Variants in DTX1 observed in about 807,000 individuals in gnomAD.
DTX1 encodes the protein deltex E3 ubiquitin ligase 1, also known as E3 ubiquitin-protein ligase DTX1.
Under a neutral mutation model 57.8 loss-of-function variants are expected in DTX1, and 26 were observed. That is an observed-to-expected ratio of 0.45 (90% CI 0.33 to 0.62). The LOEUF (loss-of-function observed/expected upper bound fraction) is 0.62, where lower values mean the gene tolerates loss of function less well. Among genes scored for constraint, DTX1 ranks in the 20% least tolerant of loss-of-function variants. The probability of loss-of-function intolerance (pLI) is 0.02; values close to 1 mark genes in which losing one functional copy is unlikely to be tolerated. For missense variants in DTX1, 704 were observed against 895.3 expected (o/e 0.79, Z 2.73); for synonymous variants, 398 against 394.1 (o/e 1.01, Z -0.12).
chr12:113,089,233 T>C (rs1000543671), intron 3 of DTX1, among the ~76,000 whole-genome samples: 1 of 151,422 alleles, frequency 6.6e-6, no homozygotes, highest in Non-Finnish European at 1.5e-5. Flanking sequence ...GGGAGAGGGG[T>C]GAACACATAG....
rs1262913778 is a variant in DTX1 at position 113,077,737 on chromosome 12, C to T, written c.573C>T (p.Pro191=). ...CCATCCCTAAGTCGCAGTCGTGGCC[C>T]GTGGGCGCCAGCTCGGGCCAGCCCT... ...VGSIPKSQSW[P]VGASSGQPCS... is the part of the protein sequence containing the mutation. Residue 191 remains proline, a synonymous_variant, in exon 3 of 10, where the codon CCC becomes CCT. Transcript: ENST00000548759. The surrounding 1 kb of genome is among the most constrained non-coding windows in gnomAD (Gnocchi z 7.8). The T allele has an allele frequency of 2.6e-6, 4 of 1,533,158 alleles. No individual in the cohort carries two copies. Among genetic ancestry groups the T allele is most frequent in the Non-Finnish European group, 2.6e-6 (3 of 1,144,848 alleles). 95.0% of individuals were successfully genotyped at this position (1,533,158 alleles called of 1,614,324 possible).
chr12:113,084,167 G>A (rs557833624), intron 3 of DTX1, among the ~76,000 whole-genome samples: 1 of 152,308 alleles, frequency 6.6e-6, no homozygotes, highest in Non-Finnish European at 1.5e-5. Flanking sequence ...CAGACAGGGC[G>A]GGGAGCCAGC....
At chr12:113,094,537 T>G (rs949562158) in intron 6 of DTX1, among the ~76,000 whole-genome samples, 1 of 152,112 alleles carries the variant, frequency 6.6e-6, no homozygotes, top group African/African-American at 2.4e-5. Context: ...ATGATTGCAC[T>G]GCTGCACTTC....
At chr12:113,078,881 C>G (rs1714307920) in intron 3 of DTX1, among the ~76,000 whole-genome samples, 1 of 152,048 alleles carries the variant, frequency 6.6e-6, no homozygotes, top group East Asian at 1.9e-4. Flanking sequence ...CAGGGACTCC[C>G]GGGGTGACCT....
chr12:113,082,377 G>C (rs1452211388), intron 3 of DTX1, among the ~76,000 whole-genome samples: 1 of 152,208 alleles, frequency 6.6e-6, no homozygotes, highest in Non-Finnish European at 1.5e-5. Flanking sequence ...TGCTGGGGAA[G>C]GGGAGTAGGA....
intron 3 of DTX1, among the ~76,000 whole-genome samples, chr12:113,081,287 C>G (rs946982896): frequency 3.9e-5 from 6 of 152,192 alleles, no homozygotes; most frequent in Non-Finnish European, 8.8e-5. Context: ...CGAGATCACG[C>G]CACTGCACTC....
intron 2 of DTX1, among the ~76,000 whole-genome samples, chr12:113,072,517 T>C (rs1437500276): frequency 6.6e-6 from 1 of 152,134 alleles, no homozygotes; most frequent in Non-Finnish European, 1.5e-5. Flanking sequence ...ATTGTAGCTG[T>C]ATTCATTGAG....
chr12:113,088,729 G>A (rs1420390906), intron 3 of DTX1, among the ~76,000 whole-genome samples: 1 of 152,228 alleles, frequency 6.6e-6, no homozygotes, highest in African/African-American at 2.4e-5. Flanking sequence ...AGTGGCTTAT[G>A]CCTGTAAACC....
Position 113,093,149 on chromosome 12 carries a change from CTT to C in DTX1, c.942-12_942-11del. The C allele has an allele frequency of 6.3e-7, 1 of 1,587,676 alleles. No homozygotes were observed. The highest frequency in any genetic ancestry group is 8.6e-7 in the Non-Finnish European group (1 of 1,167,094). The stretch of plus-strand genomic sequence containing the variant: ...CTGGAGTCCAGCTGCGGCCTCTTCT[CTT>C]CTCCCCGCAGGGTCCCCGCACTCCC... On this transcript the variant is annotated splice_polypyrimidine_tract_variant and intron_variant, in intron 3 of 9. Transcript: ENST00000548759. The surrounding 1 kb of genome is among the most constrained non-coding windows in gnomAD (Gnocchi z 4.2).
chr12:113,060,671 C>T (rs918856485), intron 2 of DTX1, among the ~76,000 whole-genome samples: 17 of 152,224 alleles, frequency 1.1e-4, no homozygotes, highest in African/African-American at 4.1e-4. Context: ...GAATTTGATC[C>T]AGAGAGTAGA....
At chr12:113,060,720 G>A (rs143950327) in intron 2 of DTX1, among the ~76,000 whole-genome samples, 1 of 152,330 alleles carries the variant, frequency 6.6e-6, no homozygotes, top group Non-Finnish European at 1.5e-5. Context: ...TTCCAGAGAG[G>A]CACCAAGGAC....
intron 2 of DTX1, among the ~76,000 whole-genome samples, chr12:113,059,211 TTGG>T (rs1182355183): frequency 1.3e-5 from 2 of 151,832 alleles, no homozygotes; most frequent in East Asian, 1.9e-4. Context: ...CGTGGCAGTG[TTGG>T]TGGTGATGTC....
chr12:113,095,006 G>A (rs572338465), intron 7 of DTX1, 36 bp from the exon 8 acceptor site: 2 of 1,604,124 alleles, frequency 1.2e-6, no homozygotes, highest in Non-Finnish European at 1.7e-6. Context: ...GGTTTGGGGG[G>A]GTGCTGGGAA....
Position 113,069,777 on chromosome 12 carries a change from T to A in DTX1, c.260-7647T>A, listed in dbSNP as rs376084266. On this transcript the variant is annotated intron_variant, in intron 2 of 9. Coordinates refer to ENST00000548759, the MANE Select transcript of DTX1 (RefSeq NM_004416.3). ...TGGGGCTGCTGTGAGGACTGGGAGA[T>A]GATGTGTGTGAGCCCCTAGCACAGT... Among the ~76,000 whole-genome samples, 18 of 152,182 alleles carry A rather than the reference T, an allele frequency of 1.2e-4. 1 individual carries two copies. The highest frequency in any genetic ancestry group is 2.1e-4 in the South Asian group (1 of 4,806).
chr12:113,072,985 G>A (rs1383102667), intron 2 of DTX1, among the ~76,000 whole-genome samples: 1 of 152,074 alleles, frequency 6.6e-6, no homozygotes, highest in Non-Finnish European at 1.5e-5. Context: ...GGGATTACAG[G>A]CATGAGCCAC....
intron 2 of DTX1, among the ~76,000 whole-genome samples, chr12:113,062,190 T>C (rs1341920170): frequency 6.6e-6 from 1 of 152,186 alleles, no homozygotes; most frequent in Non-Finnish European, 1.5e-5. Flanking sequence ...AACTTGAACT[T>C]TGAGGGGAGA....
chr12:113,063,925 TCACACAG>T (rs1005041641), intron 2 of DTX1, among the ~76,000 whole-genome samples: 1 of 152,076 alleles, frequency 6.6e-6, no homozygotes, highest in Non-Finnish European at 1.5e-5. Context: ...TTCCCCAAGG[TCACACAG>T]CCTACCAGTC....
chr12:113,067,024 G>A (rs777710897), intron 2 of DTX1, among the ~76,000 whole-genome samples: 1 of 152,016 alleles, frequency 6.6e-6, no homozygotes, highest in South Asian at 2.1e-4. Context: ...ACTGCTGCCT[G>A]CACAGACAGC....
Position 113,093,144 on chromosome 12 carries a change from C to A in DTX1, c.942-18C>A. 6.3e-7 allele frequency: 1 copy of A among 1,584,374 alleles called. No homozygotes were observed. Among genetic ancestry groups the A allele is most frequent in the South Asian group, 1.2e-5 (1 of 86,686 alleles). ...GGGGGCTGGAGTCCAGCTGCGGCCT[C>A]TTCTCTTCTCCCCGCAGGGTCCCCG... On this transcript the variant is annotated intron_variant, in intron 3 of 9. Transcript: ENST00000548759. The surrounding 1 kb of genome is among the most constrained non-coding windows in gnomAD (Gnocchi z 4.2).
Sources: gnomAD v4.1 joint callset for allele counts (sites outside exome capture counted in the v4.1 genomes callset) on GRCh38, gnomAD v4.1.1 for gene constraint, Gnocchi (gnomAD v3.1) non-coding constraint, MANE v1.5 for transcripts, NCBI Gene and HGNC (gene_info 2026-07-23, HGNC 2026-07-21) for gene names.